Variants in NDUFAF2 observed in about 807,000 individuals in gnomAD.
The protein encoded by NDUFAF2 is NADH:ubiquinone oxidoreductase complex assembly factor 2, also known as NADH dehydrogenase [ubiquinone] 1 alpha subcomplex assembly factor 2.
Under a neutral mutation model 22.8 loss-of-function variants are expected in NDUFAF2, and 13 were observed. That is an observed-to-expected ratio of 0.57 (90% CI 0.37 to 0.91). The LOEUF is 0.91. Ranked by LOEUF, NDUFAF2 falls within the 40% of genes least tolerant of loss-of-function variation. The pLI, the probability that NDUFAF2 is intolerant of heterozygous loss-of-function variation, is 0.01. For synonymous variants in NDUFAF2, 53 were observed against 64.2 expected (o/e 0.83, Z 0.84); for missense variants, 162 against 195.2 (o/e 0.83, Z 1.01).
chr5:61,125,121 A>G (rs987249490), intron 3 of NDUFAF2, among the ~76,000 whole-genome samples: 1 of 152,050 alleles, frequency 6.6e-6, no homozygotes, highest in African/African-American at 2.4e-5. Flanking sequence ...ACAATTGAAC[A>G]TCAGATTTGC....
chr5:60,978,140 T>G (rs2112576810), intron 1 of NDUFAF2, among the ~76,000 whole-genome samples: 1 of 152,142 alleles, frequency 6.6e-6, no homozygotes, highest in South Asian at 2.1e-4. Flanking sequence ...CCTGTCACAG[T>G]GGAATGCAAC....
At chr5:61,050,599 G>A (rs1049554940) in intron 1 of NDUFAF2, 9 of 152,090 alleles carry the variant, frequency 5.9e-5, no homozygotes, top group African/African-American at 2.2e-4. Context: ...ACAGAATACA[G>A]CTGTCCTCAG....
At chr5:61,105,179 T>G (rs1752747574) in intron 3 of NDUFAF2, among the ~76,000 whole-genome samples, 1 of 151,630 alleles carries the variant, frequency 6.6e-6, no homozygotes, top group African/African-American at 2.4e-5. Context: ...ATCCTTTTCC[T>G]ATTTCTGCTC....
chr5:61,084,179 T>C (rs1561560592), intron 2 of NDUFAF2, among the ~76,000 whole-genome samples: 1 of 151,732 alleles, frequency 6.6e-6, no homozygotes, highest in African/African-American at 2.4e-5. Context: ...ATGAATGCTG[T>C]TGGATTTTGT....
intron 1 of NDUFAF2, among the ~76,000 whole-genome samples, chr5:60,964,679 T>C (rs1248637231): frequency 6.6e-6 from 1 of 152,138 alleles, no homozygotes; most frequent in Non-Finnish European, 1.5e-5. Flanking sequence ...CTTGAACTCC[T>C]GACCTCAAGT....
In NDUFAF2 at chr5:61,038,118, G is replaced by GC. The variant is rs1561547937; in HGVS notation, c.128-35007_128-35006insC. ...AGAGAGAGAGAGAGAGAGAGAGAGGGAGAGAGAGAAAGTCAGCAATGTTAC... is the reference window on the plus strand; with the variant it reads ...AGAGAGAGAGAGAGAGAGAGAGAGGGCAGAGAGAGAAAGTCAGCAATGTTAC... On this transcript the variant is annotated intron_variant, in intron 1 of 3. Coordinates refer to ENST00000296597, the MANE Select transcript of NDUFAF2 (RefSeq NM_174889.5). Among the ~76,000 whole-genome samples, 946 of 150,212 alleles carry GC rather than the reference G, an allele frequency of 6.3e-3. 12 individuals carry two copies. Among genetic ancestry groups the GC allele is most frequent in the African/African-American group, 0.022 (882 of 40,628 alleles).
intron 1 of NDUFAF2, among the ~76,000 whole-genome samples, chr5:61,066,778 A>G (rs1752233616): frequency 6.6e-6 from 1 of 152,062 alleles, no homozygotes; most frequent in South Asian, 2.1e-4. Context: ...TATTTTTTAA[A>G]TTTGTATTTT....
At chr5:61,145,071 C>T (rs745640230) in intron 3 of NDUFAF2, among the ~76,000 whole-genome samples, 2 of 152,070 alleles carry the variant, frequency 1.3e-5, no homozygotes, top group Non-Finnish European at 2.9e-5. Flanking sequence ...TATAAGTCAG[C>T]ATGTTAGTAG....
At chr5:60,947,497 G>T (rs912760851) in intron 1 of NDUFAF2, among the ~76,000 whole-genome samples, 1 of 152,030 alleles carries the variant, frequency 6.6e-6, no homozygotes, top group African/African-American at 2.4e-5. Flanking sequence ...TGGGTCCGGT[G>T]GCTCATGCCT....
chr5:61,101,146 A>G (rs1405770307), intron 3 of NDUFAF2, among the ~76,000 whole-genome samples: 1 of 152,166 alleles, frequency 6.6e-6, no homozygotes, highest in African/African-American at 2.4e-5. Context: ...CTTAATGTAA[A>G]GTAAAACATA....
chr5:60,969,985 T>G (rs1477252099), intron 1 of NDUFAF2, among the ~76,000 whole-genome samples: 1 of 152,178 alleles, frequency 6.6e-6, no homozygotes, highest in African/African-American at 2.4e-5. Context: ...GAGAATGTCA[T>G]TTCCCCACTG....
chr5:61,015,518 G>C (rs1226925959), intron 1 of NDUFAF2, among the ~76,000 whole-genome samples: 2 of 152,120 alleles, frequency 1.3e-5, no homozygotes, highest in African/African-American at 4.8e-5. Context: ...CTGACCTCAA[G>C]TGATCCTCTC....
At chr5:60,994,803 C>T (rs1180709543) in intron 1 of NDUFAF2, among the ~76,000 whole-genome samples, 1 of 152,094 alleles carries the variant, frequency 6.6e-6, no homozygotes, top group Non-Finnish European at 1.5e-5. Flanking sequence ...TTTCTGCCTC[C>T]TCATTAAGGC....
Position 61,125,330 on chromosome 5 carries a change from AT to A in NDUFAF2, c.258+26307del, listed in dbSNP as rs774679164. Among the ~76,000 whole-genome samples the A allele has an allele frequency of 2.0e-3, 309 of 151,026 alleles. 2 individuals carry two copies. Among genetic ancestry groups the A allele is most frequent in the African/African-American group, 7.2e-3 (296 of 41,210 alleles). The stretch of plus-strand genomic sequence containing the variant: ...TGTCAGCTCTTTTCTTATGCACTGT[AT>A]TTTTTTTTATCATGGCAAAGAAATT... On this transcript the variant is annotated intron_variant, in intron 3 of 3. Coordinates refer to ENST00000296597, the MANE Select transcript of NDUFAF2 (RefSeq NM_174889.5).
intron 1 of NDUFAF2, among the ~76,000 whole-genome samples, chr5:60,997,126 T>TTGATATTTTC (rs1751237966): frequency 6.6e-6 from 1 of 152,226 alleles, no homozygotes; most frequent in African/African-American, 2.4e-5. Flanking sequence ...GCTCTATAGC[T>TTGATATTTTC]AGTTCACCAA....
intron 1 of NDUFAF2, among the ~76,000 whole-genome samples, chr5:60,961,520 G>C (rs573406486): frequency 9.9e-5 from 15 of 151,178 alleles, no homozygotes; most frequent in South Asian, 8.4e-4. Flanking sequence ...GCGTGAACAC[G>C]GGAGGCGGAA....
At chr5:60,993,255 G>A (rs10042865) in intron 1 of NDUFAF2, among the ~76,000 whole-genome samples, 32 of 152,184 alleles carry the variant, frequency 2.1e-4, no homozygotes, top group African/African-American at 7.2e-4. Context: ...ACGTGGTGTC[G>A]CCTAGCAGCT....
At chr5:61,027,504 C>G (rs145860256) in intron 1 of NDUFAF2, among the ~76,000 whole-genome samples, 1 of 151,936 alleles carries the variant, frequency 6.6e-6, no homozygotes, top group African/African-American at 2.4e-5. Flanking sequence ...GTTTACAAAC[C>G]AAAGCAAAAC....
At chr5:60,956,271 G>C (rs1445019461) in intron 1 of NDUFAF2, among the ~76,000 whole-genome samples, 2 of 151,984 alleles carry the variant, frequency 1.3e-5, no homozygotes, top group East Asian at 3.9e-4. Flanking sequence ...TTTTGTGTGT[G>C]GAATCTTTGG....
Sources: allele counts gnomAD v4.1 joint callset (sites outside exome capture counted in the v4.1 genomes callset), GRCh38; gene constraint gnomAD v4.1.1; transcripts MANE v1.5; gene names NCBI Gene and HGNC (gene_info 2026-07-23, HGNC 2026-07-21).